CPNE7: variants seen among roughly 807,000 people sequenced by gnomAD.
The protein encoded by CPNE7 is copine 7.
CPNE7 carries 78 observed loss-of-function variants against 66.5 expected under a neutral mutation model. The observed-to-expected ratio is 1.17, with a 90% CI of 0.98 to 1.42. CPNE7 has a LOEUF of 1.42. CPNE7 is among the 40% of genes most tolerant of loss of function. CPNE7 has a pLI of 0.00. For missense variants in CPNE7, 1,012 were observed against 776.6 expected, an observed-to-expected ratio of 1.30 and a Z score of -3.60; for synonymous variants, 468 against 336.7, an observed-to-expected ratio of 1.39 and a Z score of -4.27.
rs780286654 is a variant in CPNE7, at chr16:89,578,835, C to T, written c.357+1114C>T. 17 of 1,598,618 alleles carry T rather than the reference C, an allele frequency of 1.1e-5. No individual in the cohort carries two copies. In the African/African-American group the frequency reaches 1.6e-4, roughly 15 times the overall value. On this transcript the variant is annotated intron_variant, in intron 2 of 14. Coordinates refer to ENST00000319518, the MANE Select transcript of CPNE7 (RefSeq NM_153636.3). Reference sequence around the variant, plus strand: ...TGGCCACTGCTTCCTTGGTGATGCTCTCTGGGTTACGGCCTCCACAGCCAG... The same window carrying T: ...TGGCCACTGCTTCCTTGGTGATGCTTTCTGGGTTACGGCCTCCACAGCCAG...
At chr16:89,591,300 T>C (rs2059165523) in intron 13 of CPNE7, 40 bp downstream of exon 13, 1 of 1,520,794 alleles carries the variant, frequency 6.6e-7, no homozygotes, top group Admixed American at 2.1e-5. Context: ...TGGTGTGGGG[T>C]CGGCTGTGTG....
rs372418637 is a variant in CPNE7, at chr16:89,583,982, C to A, written c.433-46C>A. ...GGCCTCTGGTCCCCCACGGTGGGGT[C>A]AGGCCCCACCTGGCCAAGCCTGGAG... On this transcript the variant is annotated intron_variant, in intron 3 of 14. Coordinates refer to ENST00000319518, the MANE Select transcript of CPNE7 (RefSeq NM_153636.3). The A allele has an allele frequency of 3.6e-4, 583 of 1,604,624 alleles. 2 individuals carry two copies. The highest frequency in any genetic ancestry group is 1.9e-4 in the Non-Finnish European group (226 of 1,175,448).
At chr16:89,578,759 C>CAAAA in intron 2 of CPNE7, 5 of 1,190,148 alleles carry the variant, frequency 4.2e-6, no homozygotes, top group South Asian at 2.1e-5. Flanking sequence ...GACTCTGTCT[C>CAAAA]AAAAAAAAAA....
intron 1 of CPNE7, among the ~76,000 whole-genome samples, chr16:89,576,866 C>T (rs894550406): frequency 6.6e-6 from 1 of 152,154 alleles, no homozygotes; most frequent in Non-Finnish European, 1.5e-5. Context: ...GCCTGCCCCG[C>T]CCTCACCGCC....
At chr16:89,595,959 C>T (rs1157975505) in intron 14 of CPNE7, 1 of 518,588 alleles carries the variant, frequency 1.9e-6, no homozygotes, top group Non-Finnish European at 3.7e-6. Flanking sequence ...ACACAGCACA[C>T]ACGTGAGGTT....
At chr16:89,593,724 G>C (rs1219323739) in intron 13 of CPNE7, among the ~76,000 whole-genome samples, 1 of 152,180 alleles carries the variant, frequency 6.6e-6, no homozygotes, top group African/African-American at 2.4e-5. Context: ...CACAAATACA[G>C]ATTTCAGGAA....
intron 9 of CPNE7, 92 bp from the exon 10 acceptor site, chr16:89,588,583 C>G (rs1597712626): frequency 1.9e-6 from 3 of 1,539,092 alleles, no homozygotes; most frequent in East Asian, 2.3e-5. Context: ...GACCCTGAGT[C>G]CTGGCCACTC....
At chr16:89,588,833 C>G (rs373502342) in intron 10 of CPNE7, 25 bp downstream of exon 10, 22 of 1,608,440 alleles carry the variant, frequency 1.4e-5, no homozygotes, top group Non-Finnish European at 1.8e-5. Context: ...TTCCCCTCAC[C>G]CCCTGGTCTC....
At chr16:89,578,065 TTC>T (rs1273536015) in intron 2 of CPNE7, among the ~76,000 whole-genome samples, 1 of 110,106 alleles carries the variant, frequency 9.1e-6, no homozygotes, top group Middle Eastern at 7.8e-3. Flanking sequence ...TTTTTTCTTT[TTC>T]TTTTTTTTTT....
chr16:89,590,509 A>G (rs2059150927), intron 11 of CPNE7, among the ~76,000 whole-genome samples: 1 of 152,102 alleles, frequency 6.6e-6, no homozygotes, highest in Non-Finnish European at 1.5e-5. Flanking sequence ...TGGCCTGTAG[A>G]GCAAGACTCT....
intron 13 of CPNE7, among the ~76,000 whole-genome samples, chr16:89,594,513 C>T (rs1300798385): frequency 7.9e-5 from 12 of 152,072 alleles, no homozygotes; most frequent in African/African-American, 2.9e-4. Flanking sequence ...CTGCTGTGGG[C>T]TCCCGCTCTG....
chr16:89,586,661 C>T lies in CPNE7; in HGVS notation c.781-9C>T. On this transcript the variant is annotated splice_polypyrimidine_tract_variant and intron_variant, in intron 7 of 14. Transcript: ENST00000319518. ...CACTCTGGGGGGCCTCTGCTTGTTC[C>T]TGCCCCAGGCCCAGTGGGACTGTGT... The T allele has an allele frequency of 6.2e-7, 1 of 1,611,968 alleles. No individual in the cohort carries two copies. The highest frequency in any genetic ancestry group is 8.5e-7 in the Non-Finnish European group (1 of 1,178,812).
chr16:89,586,887 G>T, intron 8 of CPNE7, 131 bp downstream of exon 8: 4 of 1,104,750 alleles, frequency 3.6e-6, no homozygotes, highest in South Asian at 1.3e-5. Flanking sequence ...GCTGAGAGAC[G>T]GGGAAGGGCG....
Position 89,584,821 on chromosome 16 carries a change from C to A in CPNE7, c.555C>A (p.Asn185Lys). Reference sequence around the variant, plus strand: ...CCTTCCTGGAGCTCTACAGGGTCAACGACGACCAGGGCTTGCAGCTGGTGT... The same window carrying A: ...CCTTCCTGGAGCTCTACAGGGTCAAAGACGACCAGGGCTTGCAGCTGGTGT... ...SDPFLELYRVNDDQGLQLVYR... is the reference protein window; with the variant it reads ...SDPFLELYRVKDDQGLQLVYR... Residue 185 changes from asparagine to lysine, a missense_variant, in exon 5 of 15, where the codon AAC becomes AAA. Physicochemically the swap from Asn to Lys is moderately conservative, Grantham distance 94. Transcript: ENST00000319518. The surrounding 1 kb of genome is among the most constrained non-coding windows in gnomAD (Gnocchi z 6.0). 6.2e-7 allele frequency: 1 copy of A among 1,613,632 alleles called. No individual in the cohort carries two copies. Among genetic ancestry groups the A allele is most frequent in the Non-Finnish European group, 8.5e-7 (1 of 1,179,956 alleles).
In CPNE7 at chr16:89,586,743, T is replaced by C; in HGVS notation, c.854T>C (p.Leu285Pro). ...RSYKNSGVVV[L>P]ADLKFHRVYS... is the part of the protein sequence containing the mutation. ...TATAAGAACTCAGGAGTGGTCGTCC[T>C]GGCTGACCTCAAGGTGAGAGGTGGC... is the stretch of plus-strand genomic sequence containing the variant. The change falls in exon 8 of 15, where the codon CTG becomes CCG. Residue 285 changes from leucine to proline, a missense_variant. Leu to Pro is a moderately conservative substitution (Grantham distance 98). Transcript: ENST00000319518. 6.2e-7 allele frequency: 1 copy of C among 1,612,796 alleles called. No individual in the cohort carries two copies. The highest frequency in any genetic ancestry group is 1.1e-5 in the South Asian group (1 of 91,024).
intron 13 of CPNE7, among the ~76,000 whole-genome samples, chr16:89,592,175 AT>A (rs372508407): frequency 4.5e-4 from 62 of 138,164 alleles, no homozygotes; most frequent in Middle Eastern, 4.0e-3. Context: ...TGCCCGGCTA[AT>A]TTTTTTTTTT....
rs767961893 is a variant in CPNE7 at position 89,584,853 on chromosome 16, C to T, written c.587C>T (p.Thr196Met). 44 of 1,612,932 alleles carry T rather than the reference C, an allele frequency of 2.7e-5. No individual in the cohort carries two copies. The highest frequency in any genetic ancestry group is 4.0e-5 in the African/African-American group (3 of 74,922). The change falls in exon 5 of 15, where the codon ACG (threonine) becomes ATG (methionine). Residue 196 changes from threonine (T) to methionine (M), a missense_variant. Coordinates refer to ENST00000319518, the MANE Select transcript of CPNE7 (RefSeq NM_153636.3). This position sits in a 1 kb window ranked among gnomAD's most constrained non-coding sequence, Gnocchi z 6.0. ...CAGGGCTTGCAGCTGGTGTACAGGA[C>T]GGAGGTGAGCGGCCGGGGATGGGAA... ...DDQGLQLVYR[T>M]EVVKNNLNPV...
intron 5 of CPNE7, among the ~76,000 whole-genome samples, chr16:89,585,071 T>C (rs2151437517): frequency 6.6e-6 from 1 of 152,244 alleles, no homozygotes; most frequent in East Asian, 1.9e-4. Flanking sequence ...GCTTGTGTAG[T>C]CGTGGCTGTG....
intron 2 of CPNE7, chr16:89,578,821 T>G: frequency 6.4e-7 from 1 of 1,568,206 alleles, no homozygotes; most frequent in Non-Finnish European, 8.6e-7. Context: ...GGCCACTGCT[T>G]CCTTGGTGAT....
Sources: allele counts gnomAD v4.1 joint callset (sites outside exome capture counted in the v4.1 genomes callset), GRCh38; gene constraint gnomAD v4.1.1; non-coding constraint Gnocchi (gnomAD v3.1); transcripts MANE v1.5; gene names NCBI Gene and HGNC (gene_info 2026-07-23, HGNC 2026-07-21).